TULP3: variants seen among roughly 807,000 people sequenced by gnomAD.
The protein encoded by TULP3 is tubby-related protein 3.
Under a neutral mutation model 50.7 loss-of-function variants are expected in TULP3, and 38 were observed. That is an observed-to-expected ratio of 0.75 (90% CI 0.58 to 0.98). The LOEUF (loss-of-function observed/expected upper bound fraction) is 0.98, where lower values mean the gene tolerates loss of function less well. TULP3 is among the 50% of genes least tolerant of loss of function. The pLI, the probability that TULP3 is intolerant of heterozygous loss-of-function variation, is 0.00. For missense variants in TULP3, 550 were observed against 568.0 expected (o/e 0.97, Z 0.32); for synonymous variants, 183 against 196.6 (o/e 0.93, Z 0.58).
intron 2 of TULP3, among the ~76,000 whole-genome samples, chr12:2,913,201 T>TTGTGTGTGTGTGTGTG (rs138018559): frequency 1.0e-4 from 15 of 146,572 alleles, no homozygotes; most frequent in African/African-American, 3.0e-4. Flanking sequence ...TATGTTGAGT[T>TTGTGTGTGTGTGTGTG]TGTGTGTGTG....
intron 1 of TULP3, among the ~76,000 whole-genome samples, chr12:2,908,356 A>C (rs532130144): frequency 6.6e-6 from 1 of 152,322 alleles, no homozygotes; most frequent in South Asian, 2.1e-4. Context: ...ACTTTCCAAG[A>C]ATGCCGAGTC....
intron 1 of TULP3, among the ~76,000 whole-genome samples, chr12:2,895,264 G>C (rs1049254284): frequency 6.6e-6 from 1 of 152,164 alleles, no homozygotes; most frequent in African/African-American, 2.4e-5. Context: ...TCCCCAGGCA[G>C]TTCTCCCTGC....
chr12:2,929,624 T>C (rs966687948), intron 4 of TULP3, among the ~76,000 whole-genome samples: 1 of 151,846 alleles, frequency 6.6e-6, no homozygotes, highest in African/African-American at 2.4e-5. Flanking sequence ...AGACAGAGTC[T>C]CTGTCTCCCA....
At chr12:2,921,850 A>C (rs1462761183) in intron 3 of TULP3, among the ~76,000 whole-genome samples, 2 of 152,188 alleles carry the variant, frequency 1.3e-5, no homozygotes, top group African/African-American at 4.8e-5. Flanking sequence ...TTGGGAGGCC[A>C]GAAAGGCAGA....
intron 8 of TULP3, among the ~76,000 whole-genome samples, chr12:2,935,562 A>G (rs2098200585): frequency 6.6e-6 from 1 of 152,196 alleles, no homozygotes; most frequent in Non-Finnish European, 1.5e-5. Context: ...TTTTATTCCA[A>G]AGTCTCAACT....
At chr12:2,899,317 C>G (rs1476927024) in intron 1 of TULP3, among the ~76,000 whole-genome samples, 6 of 131,478 alleles carry the variant, frequency 4.6e-5, no homozygotes, top group African/African-American at 1.8e-4. Context: ...TGCAATCCAG[C>G]CTGGGCAACA....
Position 2,939,284 on chromosome 12 carries a change from A to C in TULP3, c.1196-27A>C. On this transcript the variant is annotated intron_variant, in intron 10 of 10. Transcript: ENST00000448120. This position sits in a 1 kb window ranked among gnomAD's most constrained non-coding sequence, Gnocchi z 4.0. ...CCTGAGTGCAACCACATTATATTCT[A>C]ACATGTTGATTTCTTTCTGTTTCTA... is the stretch of plus-strand genomic sequence containing the variant. 6.2e-7 allele frequency: 1 copy of C among 1,604,128 alleles called. No homozygotes were observed. Among genetic ancestry groups the C allele is most frequent in the Non-Finnish European group, 8.5e-7 (1 of 1,172,676 alleles).
intron 1 of TULP3, among the ~76,000 whole-genome samples, chr12:2,903,460 G>A (rs1461374884): frequency 6.6e-6 from 1 of 151,416 alleles, no homozygotes; most frequent in Non-Finnish European, 1.5e-5. Flanking sequence ...TACTTGGGAG[G>A]CTGAGGCAGG....
Position 2,937,952 on chromosome 12 carries a change from A to G in TULP3, c.1024-162A>G, listed in dbSNP as rs770165853. ...TTTTTTCTACAAAGAGAAATGCTGG[A>G]TGATGTAGAATAATTTTAAAAAAAA... On this transcript the variant is annotated intron_variant, in intron 9 of 10. Transcript: ENST00000448120. Among the ~76,000 whole-genome samples, 11 of 152,132 alleles carry G rather than the reference A, an allele frequency of 7.2e-5. No individual in the cohort carries two copies. The highest frequency in any genetic ancestry group is 3.3e-4 in the Admixed American group (5 of 15,264).
Position 2,890,919 on chromosome 12 carries a change from A to G in TULP3, c.-29A>G, listed in dbSNP as rs1480130271. The G allele has an allele frequency of 4.4e-6, 7 of 1,582,558 alleles. No homozygotes were observed. Among genetic ancestry groups the G allele is most frequent in the Non-Finnish European group, 6.0e-6 (7 of 1,165,064 alleles). ...CTAGCGACGGCGGGGAAGAGTGTGTACGTGGTGGGGGCTTCCTCGGTGGCG... is the reference window on the plus strand; with the variant it reads ...CTAGCGACGGCGGGGAAGAGTGTGTGCGTGGTGGGGGCTTCCTCGGTGGCG... On this transcript the variant is annotated 5_prime_UTR_variant, in exon 1 of 11. Transcript: ENST00000448120.
intron 4 of TULP3, among the ~76,000 whole-genome samples, chr12:2,927,556 T>TA (rs1340513818): frequency 6.6e-6 from 1 of 151,928 alleles, no homozygotes; most frequent in Non-Finnish European, 1.5e-5. Context: ...GGTTTCACCT[T>TA]ATTGGCCAGG....
intron 8 of TULP3, among the ~76,000 whole-genome samples, chr12:2,936,007 C>T (rs367819920): frequency 4.1e-4 from 62 of 152,120 alleles, no homozygotes; most frequent in African/African-American, 1.3e-3. Context: ...TGGCTCACGC[C>T]TGTAATCCCA....
intron 4 of TULP3, among the ~76,000 whole-genome samples, chr12:2,924,698 A>C (rs2098193683): frequency 6.7e-6 from 1 of 149,286 alleles, no homozygotes; most frequent in Non-Finnish European, 1.5e-5. Flanking sequence ...TAAAAAAAAA[A>C]AAAAATTGGG....
At chr12:2,912,756 A>T in intron 2 of TULP3, among the ~76,000 whole-genome samples, 1 of 152,198 alleles carries the variant, frequency 6.6e-6, no homozygotes, top group East Asian at 1.9e-4. Flanking sequence ...GAAGTTTGCG[A>T]TCGGGACATA....
rs547646052 is a variant in TULP3, at chr12:2,917,693, C to T, written c.94-3070C>T. 3.3e-5 allele frequency among the ~76,000 whole-genome samples: 5 copies of T among 151,888 alleles called. No homozygotes were observed. The East Asian group carries it at 7.8e-4, about 24-fold the overall frequency. On this transcript the variant is annotated intron_variant, in intron 2 of 10. Transcript: ENST00000448120. ...GAGATCGAGACCATCCTGGCCAACA[C>T]GGTGAAACCTCATCTTTACTAAAAA... is the stretch of plus-strand genomic sequence containing the variant.
Position 2,940,750 on chromosome 12 carries a change from G to T in TULP3, c.*1306G>T. 6.5e-7 allele frequency: 1 copy of T among 1,537,140 alleles called. No individual in the cohort carries two copies. The highest frequency in any genetic ancestry group is 8.8e-7 in the Non-Finnish European group (1 of 1,138,618). ...GAAGGAGGGCCAACTGGCAGCTGCG[G>T]GACCCTTGGCTTGTCCCCCACCGAC... On this transcript the variant is annotated 3_prime_UTR_variant, in exon 11 of 11. Coordinates refer to ENST00000448120, the MANE Select transcript of TULP3 (RefSeq NM_003324.5).
intron 2 of TULP3, among the ~76,000 whole-genome samples, chr12:2,915,198 C>T (rs2098187930): frequency 1.3e-5 from 2 of 150,626 alleles, no homozygotes; most frequent in Non-Finnish European, 3.0e-5. Context: ...CCATGTTTGT[C>T]AGGCTGGTTT....
At chr12:2,891,095 C>A in intron 1 of TULP3, 107 bp downstream of exon 1, 5 of 1,306,106 alleles carry the variant, frequency 3.8e-6, no homozygotes, top group Non-Finnish European at 5.1e-6. Context: ...GGACTCGGGA[C>A]TTGGCGACTC....
chr12:2,890,902 G>T lies in TULP3; in HGVS notation c.-46G>T, dbSNP rs985613009. The T allele has an allele frequency of 3.9e-6, 6 of 1,543,312 alleles. No homozygotes were observed. Among genetic ancestry groups the T allele is most frequent in the Non-Finnish European group, 5.2e-6 (6 of 1,143,900 alleles). On this transcript the variant is annotated 5_prime_UTR_variant, in exon 1 of 11. Transcript: ENST00000448120. ...GTGCCAGCCTAGCCACTCTAGCGAC[G>T]GCGGGGAAGAGTGTGTACGTGGTGG...
Sources: gnomAD v4.1 joint callset for allele counts (sites outside exome capture counted in the v4.1 genomes callset) on GRCh38, gnomAD v4.1.1 for gene constraint, Gnocchi (gnomAD v3.1) non-coding constraint, MANE v1.5 for transcripts, NCBI Gene and HGNC (gene_info 2026-07-23, HGNC 2026-07-21) for gene names.